The following KCNG2 variants were observed in gnomAD, a reference collection of about 807,000 sequenced individuals.
The protein encoded by KCNG2 is potassium voltage-gated channel modifier subfamily G member 2.
KCNG2 carries 7 observed loss-of-function variants against 12.3 expected under a neutral mutation model. The observed-to-expected ratio is 0.57, with a 90% CI of 0.32 to 1.07. KCNG2 has a LOEUF of 1.07. Among genes scored for constraint, KCNG2 ranks in the 50% least tolerant of loss-of-function variants. The pLI is 0.04. For synonymous variants in KCNG2, 414 were observed against 351.4 expected (o/e 1.18, Z -1.99); for missense variants, 703 against 726.0 (o/e 0.97, Z 0.36).
At chr18:79,849,426 T>A (rs915486650) in intron 1 of KCNG2, among the ~76,000 whole-genome samples, 1 of 152,158 alleles carries the variant, frequency 6.6e-6, no homozygotes, top group Non-Finnish European at 1.5e-5. Flanking sequence ...TCTGACCCCA[T>A]CCTCTGCCCT....
At chr18:79,844,896 A>G (rs1978572023) in intron 1 of KCNG2, among the ~76,000 whole-genome samples, 1 of 152,242 alleles carries the variant, frequency 6.6e-6, no homozygotes, top group Admixed American at 6.5e-5. Flanking sequence ...GAAAAGGATA[A>G]ATTGAATTTT....
At chr18:79,805,795 C>A (rs1193242359) in intron 1 of KCNG2, among the ~76,000 whole-genome samples, 1 of 152,166 alleles carries the variant, frequency 6.6e-6, no homozygotes. Context: ...AGAAAAATGT[C>A]TCCACCTGCT....
chr18:79,804,387 G>A (rs1170370099), intron 1 of KCNG2, among the ~76,000 whole-genome samples: 2 of 152,222 alleles, frequency 1.3e-5, no homozygotes, highest in Non-Finnish European at 2.9e-5. Context: ...GCTCCAGGGG[G>A]GACTCAGCAC....
At chr18:79,852,908 T>A (rs1487266402) in intron 1 of KCNG2, among the ~76,000 whole-genome samples, 1 of 152,258 alleles carries the variant, frequency 6.6e-6, no homozygotes, top group Non-Finnish European at 1.5e-5. Context: ...GCCTCCTACC[T>A]TAGCAGAGTC....
intron 3 of KCNG2, among the ~76,000 whole-genome samples, chr18:79,867,597 G>GA (rs1442774685): frequency 1.3e-5 from 2 of 148,454 alleles, no homozygotes; most frequent in Non-Finnish European, 3.0e-5. Flanking sequence ...GTCGTGTCTG[G>GA]GGGGGGACCG....
At chr18:79,857,199 G>A (rs1354340619) in intron 2 of KCNG2, among the ~76,000 whole-genome samples, 6 of 138,112 alleles carry the variant, frequency 4.3e-5, no homozygotes, top group Non-Finnish European at 7.9e-5. Flanking sequence ...TGTTCACTGA[G>A]TGAACCTTGG....
At chr18:79,832,862 C>CGTCTGCT (rs1401502040) in intron 1 of KCNG2, among the ~76,000 whole-genome samples, 2 of 152,180 alleles carry the variant, frequency 1.3e-5, no homozygotes, top group African/African-American at 4.8e-5. Context: ...AGGGCTCCTG[C>CGTCTGCT]GTCTGCTCCT....
In KCNG2 at chr18:79,830,785, C is replaced by G. The variant is rs928651907; in HGVS notation, c.-114-25594C>G. Among the ~76,000 whole-genome samples the G allele has an allele frequency of 4.2e-5, 6 of 144,132 alleles. 1 individual carries two copies. Among genetic ancestry groups the G allele is most frequent in the African/African-American group, 1.0e-4 (4 of 38,556 alleles). 94.6% of individuals were successfully genotyped at this position (144,132 alleles called of 152,430 possible). On this transcript the variant is annotated intron_variant, in intron 1 of 3. Coordinates refer to ENST00000316249, the MANE Select transcript of KCNG2 (RefSeq NM_012283.2). The stretch of plus-strand genomic sequence containing the variant: ...GAGCCTTCGTCAGGAGGGTTCCCTG[C>G]GGACAGAGCCTTCGTCAGGAGGGTT...
At chr18:79,891,090 C>CA (rs1568273145) in intron 3 of KCNG2, among the ~76,000 whole-genome samples, 2 of 152,092 alleles carry the variant, frequency 1.3e-5, no homozygotes, top group African/African-American at 2.4e-5. Context: ...TTCCTTCCCC[C>CA]ACCTGCTTTA....
chr18:79,874,748 A>G (rs1209608196), intron 3 of KCNG2, among the ~76,000 whole-genome samples: 2 of 152,276 alleles, frequency 1.3e-5, no homozygotes, highest in Middle Eastern at 3.4e-3. Context: ...CCTCCTCTCC[A>G]GGAGGCCGGC....
intron 1 of KCNG2, among the ~76,000 whole-genome samples, chr18:79,836,223 G>T (rs1978323722): frequency 6.6e-6 from 1 of 152,238 alleles, no homozygotes; most frequent in Non-Finnish European, 1.5e-5. Flanking sequence ...GAACGTTGTT[G>T]TGGCTATATT....
In KCNG2 at chr18:79,895,864, C is replaced by A. The variant is rs145735721; in HGVS notation, c.625-3176C>A. Among the ~76,000 whole-genome samples the A allele has an allele frequency of 2.6e-5, 4 of 152,376 alleles. No homozygotes were observed. In the East Asian group the frequency reaches 7.7e-4, roughly 29 times the overall value. ...GCCACATCTTATTTTCTGTTTCATGCACCTCACGGAGCACGTTGTTTCTGT... is the reference window on the plus strand; with the variant it reads ...GCCACATCTTATTTTCTGTTTCATGAACCTCACGGAGCACGTTGTTTCTGT... On this transcript the variant is annotated intron_variant, in intron 3 of 3. Transcript: ENST00000316249.
intron 3 of KCNG2, among the ~76,000 whole-genome samples, chr18:79,866,365 C>G (rs1366598585): frequency 1.2e-5 from 1 of 83,496 alleles, no homozygotes; most frequent in African/African-American, 4.0e-5. Context: ...GTGCTGAGGT[C>G]TGGGTGCTGA....
chr18:79,879,940 A>T (rs1399744028), intron 3 of KCNG2, among the ~76,000 whole-genome samples: 1 of 152,258 alleles, frequency 6.6e-6, no homozygotes, highest in Non-Finnish European at 1.5e-5. Context: ...TTCTGGAATG[A>T]AACCATAAAA....
chr18:79,819,214 G>T (rs2087552963), intron 1 of KCNG2, among the ~76,000 whole-genome samples: 1 of 152,170 alleles, frequency 6.6e-6, no homozygotes, highest in Non-Finnish European at 1.5e-5. Flanking sequence ...GAGGGAGAAG[G>T]CCGGCAGCCT....
At chr18:79,859,255 G>T (rs1464264489) in intron 2 of KCNG2, among the ~76,000 whole-genome samples, 1 of 152,186 alleles carries the variant, frequency 6.6e-6, no homozygotes, top group Non-Finnish European at 1.5e-5. Context: ...ATAGTGTGAT[G>T]TAGGCATCTT....
chr18:79,813,500 C>G (rs773613272), intron 1 of KCNG2, among the ~76,000 whole-genome samples: 5 of 152,194 alleles, frequency 3.3e-5, no homozygotes, highest in Non-Finnish European at 5.9e-5. Flanking sequence ...ACATCTGAAG[C>G]CTTTTCAAGA....
chr18:79,899,214 C>T lies in KCNG2; in HGVS notation c.799C>T (p.Leu267=), dbSNP rs1325629323. Residue 267 remains leucine (L), a synonymous_variant, in exon 4 of 4, where the codon CTG becomes TTG. Coordinates refer to ENST00000316249, the MANE Select transcript of KCNG2 (RefSeq NM_012283.2). ...LALLPFYVSL[L]LGLAAGPGGT... ...GCTCCTGCCGTTCTACGTGTCGCTG[C>T]TGCTGGGGCTGGCGGCAGGCCCGGG... 1.2e-6 allele frequency: 2 copies of T among 1,602,338 alleles called. No individual in the cohort carries two copies. The highest frequency in any genetic ancestry group is 1.7e-4 in the Middle Eastern group (1 of 6,054).
Position 79,861,729 on chromosome 18 carries a change from C to T in KCNG2, c.-40-1899C>T, listed in dbSNP as rs866310831. Among the ~76,000 whole-genome samples, 9 of 152,252 alleles carry T rather than the reference C, an allele frequency of 5.9e-5. No homozygotes were observed. In the South Asian group the frequency reaches 1.5e-3, roughly 25 times the overall value. ...ATATTTCTTCAAATATTCTTTCTTC[C>T]CTGTTCCCTCTTTCCTTTCAGGACT... On this transcript the variant is annotated intron_variant, in intron 2 of 3. Coordinates refer to ENST00000316249, the MANE Select transcript of KCNG2 (RefSeq NM_012283.2).
Sources: allele counts gnomAD v4.1 joint callset (sites outside exome capture counted in the v4.1 genomes callset), GRCh38; gene constraint gnomAD v4.1.1; transcripts MANE v1.5; gene names NCBI Gene and HGNC (gene_info 2026-07-23, HGNC 2026-07-21).